The following FGF10 variants were observed in gnomAD, a reference collection of about 807,000 sequenced individuals.
The protein encoded by FGF10 is FGF-10.
FGF10 carries 2 observed loss-of-function variants against 19.8 expected under a neutral mutation model. The ratio of observed to expected loss-of-function variants is 0.10; its 90% CI spans 0.04 to 0.32. FGF10 has a LOEUF of 0.32. FGF10 is among the 10% of genes least tolerant of loss of function. FGF10 has a pLI of 1.00. For missense variants in FGF10, 191 were observed against 246.3 expected, an observed-to-expected ratio of 0.78 and a Z score of 1.50; for synonymous variants, 112 against 94.0, an observed-to-expected ratio of 1.19 and a Z score of -1.10.
chr5:44,361,528 G>A (rs187603052), intron 1 of FGF10, among the ~76,000 whole-genome samples: 1 of 151,716 alleles, frequency 6.6e-6, no homozygotes, highest in East Asian at 2.0e-4. Context: ...TCAATGGGGA[G>A]TAAGAGTTCC....
chr5:44,381,296 C>T (rs1021261757), intron 1 of FGF10, among the ~76,000 whole-genome samples: 7 of 152,058 alleles, frequency 4.6e-5, no homozygotes, highest in Non-Finnish European at 1.0e-4. Context: ...TGAATTTACA[C>T]CATTGAAGAT....
intron 1 of FGF10, among the ~76,000 whole-genome samples, chr5:44,316,809 ATTG>A (rs1429603281): frequency 6.6e-6 from 1 of 152,192 alleles, no homozygotes; most frequent in Non-Finnish European, 1.5e-5. Flanking sequence ...GATATACTGC[ATTG>A]TTGTTGATAG....
intron 1 of FGF10, among the ~76,000 whole-genome samples, chr5:44,341,638 A>T (rs954537884): frequency 6.6e-6 from 1 of 151,946 alleles, no homozygotes; most frequent in African/African-American, 2.4e-5. Context: ...GAGATTTAAC[A>T]CCCATTATCT....
chr5:44,368,672 TG>T (rs1318265553), intron 1 of FGF10, among the ~76,000 whole-genome samples: 2 of 152,066 alleles, frequency 1.3e-5, no homozygotes, highest in African/African-American at 4.8e-5. Context: ...TCAATTTTTT[TG>T]TTGTTTTGTT....
chr5:44,359,577 T>A (rs1741429084), intron 1 of FGF10, among the ~76,000 whole-genome samples: 1 of 151,474 alleles, frequency 6.6e-6, no homozygotes, highest in South Asian at 2.1e-4. Context: ...AAATTATTAG[T>A]GGGGTAACTT....
intron 1 of FGF10, among the ~76,000 whole-genome samples, chr5:44,357,260 C>T (rs1741370115): frequency 6.6e-6 from 1 of 151,412 alleles, no homozygotes; most frequent in South Asian, 2.1e-4. Flanking sequence ...CTTTCTTTTA[C>T]AGAGGAGGAA....
chr5:44,356,798 T>C (rs1317541169), intron 1 of FGF10, among the ~76,000 whole-genome samples: 1 of 151,334 alleles, frequency 6.6e-6, no homozygotes, highest in African/African-American at 2.4e-5. Context: ...GGAGTGTCCA[T>C]GAAAAGGTGT....
chr5:44,311,017 TC>T (rs530176849), intron 1 of FGF10, among the ~76,000 whole-genome samples: 16 of 152,108 alleles, frequency 1.1e-4, no homozygotes, highest in Non-Finnish European at 2.4e-4. Context: ...ATATAGATAA[TC>T]TAAATCTCTT....
At position 44,351,364 on chromosome 5, in the gene FGF10, G is replaced by T. The variant is rs1405161732; in HGVS notation, c.325+36994C>A. On this transcript the variant is annotated intron_variant, in intron 1 of 2. Coordinates refer to ENST00000264664, the MANE Select transcript of FGF10 (RefSeq NM_004465.2). ...GTCAGCAGTTCATTCTCATATTTTTGATAATTAGAGATTATATTGAGATGT... is the reference window on the plus strand; with the variant it reads ...GTCAGCAGTTCATTCTCATATTTTTTATAATTAGAGATTATATTGAGATGT... Among the ~76,000 whole-genome samples the T allele has an allele frequency of 2.0e-5, 3 of 151,506 alleles. No homozygotes were observed. In the East Asian group the frequency reaches 5.9e-4, roughly 30 times the overall value.
rs147317836 is a variant in FGF10 at position 44,384,867 on chromosome 5, A to G, written c.325+3491T>C. On this transcript the variant is annotated intron_variant, in intron 1 of 2. Coordinates refer to ENST00000264664, the MANE Select transcript of FGF10 (RefSeq NM_004465.2). The stretch of plus-strand genomic sequence containing the variant: ...GTGAGTTTCCCTTTTTGGAATATCT[A>G]TTCTTAATTGTCTCAAGTTTAGGGT... Among the ~76,000 whole-genome samples, 338 of 152,110 alleles carry G rather than the reference A, an allele frequency of 2.2e-3. 2 individuals carry two copies. The highest frequency in any genetic ancestry group is 7.8e-3 in the African/African-American group (322 of 41,520).
At chr5:44,311,472 T>C (rs1383604324) in intron 1 of FGF10, among the ~76,000 whole-genome samples, 1 of 152,076 alleles carries the variant, frequency 6.6e-6, no homozygotes, top group African/African-American at 2.4e-5. Flanking sequence ...AATGTCTGGG[T>C]TCAACTCCTG....
chr5:44,369,503 A>G (rs1741697431), intron 1 of FGF10, among the ~76,000 whole-genome samples: 1 of 152,106 alleles, frequency 6.6e-6, no homozygotes, highest in Non-Finnish European at 1.5e-5. Context: ...CTCAATCCCT[A>G]AAAGTTTGTT....
intron 1 of FGF10, among the ~76,000 whole-genome samples, chr5:44,357,050 AT>A (rs768798847): frequency 4.6e-5 from 7 of 151,506 alleles, no homozygotes; most frequent in African/African-American, 7.2e-5. Context: ...TACAAAAAAA[AT>A]ATGTATGTGT....
At chr5:44,378,004 A>T (rs79290724) in intron 1 of FGF10, among the ~76,000 whole-genome samples, 28,196 of 152,160 alleles carry the variant, frequency 0.19, 2,755 homozygotes, top group Admixed American at 0.25. Context: ...ATAAGCAATC[A>T]TTTTCTTACA....
chr5:44,348,609 C>T (rs1741141440), intron 1 of FGF10, among the ~76,000 whole-genome samples: 1 of 151,264 alleles, frequency 6.6e-6, no homozygotes, highest in Non-Finnish European at 1.5e-5. Context: ...GAGCAGGTTC[C>T]TAGACTTAGC....
intron 1 of FGF10, among the ~76,000 whole-genome samples, chr5:44,315,017 T>A (rs1441045136): frequency 4.6e-5 from 7 of 152,096 alleles, no homozygotes; most frequent in Non-Finnish European, 8.8e-5. Context: ...ACAATGGAAT[T>A]CTATAGACTG....
chr5:44,312,701 T>C (rs1740240699), intron 1 of FGF10, among the ~76,000 whole-genome samples: 2 of 152,056 alleles, frequency 1.3e-5, no homozygotes, highest in Non-Finnish European at 2.9e-5. Flanking sequence ...GCTGCTTACA[T>C]TGTCTGGCCA....
In FGF10 at chr5:44,304,587, G is replaced by C; in HGVS notation, c.*408C>G. 1 of 225,394 alleles carries C rather than the reference G, an allele frequency of 4.4e-6. No homozygotes were observed. Among genetic ancestry groups the C allele is most frequent in the Non-Finnish European group, 8.9e-6 (1 of 112,652 alleles). 14.0% of individuals were successfully genotyped at this position (225,394 alleles called of 1,614,324 possible). Reference sequence around the variant, plus strand: ...TACTGTTCATTGATTCATTAGGCTTGAATGAGCAATGAAGTCTTTGATATG... The same window carrying C: ...TACTGTTCATTGATTCATTAGGCTTCAATGAGCAATGAAGTCTTTGATATG... On this transcript the variant is annotated 3_prime_UTR_variant, in exon 3 of 3. Transcript: ENST00000264664.
chr5:44,382,853 T>A (rs547419047), intron 1 of FGF10, among the ~76,000 whole-genome samples: 3 of 152,248 alleles, frequency 2.0e-5, no homozygotes, highest in African/African-American at 7.2e-5. Context: ...ATATTTTACT[T>A]ATATTAAGCA....
Sources: allele counts gnomAD v4.1 joint callset (sites outside exome capture counted in the v4.1 genomes callset), GRCh38; gene constraint gnomAD v4.1.1; transcripts MANE v1.5; gene names NCBI Gene and HGNC (gene_info 2026-07-23, HGNC 2026-07-21).